The following SUGCT variants were observed in gnomAD, a reference collection of about 807,000 sequenced individuals.
The protein encoded by SUGCT is succinyl-CoA:glutarate CoA-transferase.
In SUGCT, 41 loss-of-function variants were observed where a neutral mutation model predicts 55.0. The observed-to-expected ratio is 0.74, with a 90% CI of 0.58 to 0.97. The LOEUF is 0.97. SUGCT is among the 50% of genes least tolerant of loss of function. The pLI, the probability that SUGCT is intolerant of heterozygous loss-of-function variation, is 0.00. For synonymous variants in SUGCT, 187 were observed against 200.4 expected, an observed-to-expected ratio of 0.93 and a Z score of 0.56; for missense variants, 568 against 547.8, an observed-to-expected ratio of 1.04 and a Z score of -0.37.
At chr7:40,542,007 C>G (rs1437967025) in intron 12 of SUGCT, among the ~76,000 whole-genome samples, 1 of 152,082 alleles carries the variant, frequency 6.6e-6, no homozygotes, top group Non-Finnish European at 1.5e-5. Context: ...GAAAGCCTTC[C>G]ACCAGGGAGG....
In SUGCT at chr7:40,302,748, G is replaced by A. The variant is rs1794610954; in HGVS notation, c.721-14012G>A. ...ACGAATTCATTATTAACTGATTACAGACATAATTATGAGAGTGACGTTGCA... is the reference window on the plus strand; with the variant it reads ...ACGAATTCATTATTAACTGATTACAAACATAATTATGAGAGTGACGTTGCA... On this transcript the variant is annotated intron_variant, in intron 8 of 13. Coordinates refer to ENST00000335693, the MANE Select transcript of SUGCT (RefSeq NM_001193313.2). 2.6e-5 allele frequency among the ~76,000 whole-genome samples: 4 copies of A among 152,108 alleles called. No individual in the cohort carries two copies. In the South Asian group the frequency reaches 8.3e-4, roughly 32 times the overall value.
intron 1 of SUGCT, among the ~76,000 whole-genome samples, chr7:40,155,741 G>C (rs1407169069): frequency 6.6e-6 from 1 of 152,134 alleles, no homozygotes; most frequent in Non-Finnish European, 1.5e-5. Flanking sequence ...TGTGTGTTTA[G>C]AAGTTCTGCT....
chr7:40,246,746 G>A (rs1425099324), intron 7 of SUGCT, among the ~76,000 whole-genome samples: 2 of 151,832 alleles, frequency 1.3e-5, no homozygotes, highest in African/African-American at 4.8e-5. Context: ...GCAGGCACAC[G>A]CCACCATGCC....
chr7:40,619,311 T>C (rs1799155576), intron 12 of SUGCT, among the ~76,000 whole-genome samples: 1 of 152,260 alleles, frequency 6.6e-6, no homozygotes, highest in South Asian at 2.1e-4. Flanking sequence ...TTAATGTTTG[T>C]ATTATTGTCT....
the SUGCT span, among the ~76,000 whole-genome samples, chr7:41,033,826 C>G: frequency 6.6e-6 from 1 of 151,944 alleles, no homozygotes; most frequent in Non-Finnish European, 1.5e-5. Context: ...ATGTGCTGAG[C>G]TGGCCCCGTG....
In SUGCT at chr7:40,743,553, G is replaced by A. The variant is rs139108153; in HGVS notation, c.1090-5881G>A. 6.0e-4 allele frequency among the ~76,000 whole-genome samples: 91 copies of A among 152,334 alleles called. 1 individual carries two copies. The East Asian group carries it at 0.014, about 24-fold the overall frequency. On this transcript the variant is annotated intron_variant, in intron 12 of 13. Coordinates refer to ENST00000335693, the MANE Select transcript of SUGCT (RefSeq NM_001193313.2). ...ATTGGAAAGTTTCCCTTAAAAGGCA[G>A]TAAGCTTCTTGAGGGCATGACCTTG...
intron 7 of SUGCT, among the ~76,000 whole-genome samples, chr7:40,257,243 A>G (rs1790872578): frequency 6.6e-6 from 1 of 152,134 alleles, no homozygotes; most frequent in African/African-American, 2.4e-5. Context: ...TTTTTAAGAT[A>G]GAATACATTA....
At chr7:40,772,196 A>G (rs1789140516) in intron 13 of SUGCT, among the ~76,000 whole-genome samples, 1 of 152,072 alleles carries the variant, frequency 6.6e-6, no homozygotes, top group Non-Finnish European at 1.5e-5. Context: ...GGAGTAGGGG[A>G]GAGAGTAACA....
chr7:40,203,222 A>C (rs934910486), intron 6 of SUGCT, among the ~76,000 whole-genome samples: 1 of 152,186 alleles, frequency 6.6e-6, no homozygotes, highest in African/African-American at 2.4e-5. Flanking sequence ...ACCTTTTCTC[A>C]CATATCCTCA....
intron 12 of SUGCT, among the ~76,000 whole-genome samples, chr7:40,517,271 A>G (rs1040311802): frequency 2.0e-5 from 3 of 150,452 alleles, no homozygotes; most frequent in African/African-American, 7.3e-5. Context: ...TTTTAAATGT[A>G]AGCTCATGTT....
intron 12 of SUGCT, among the ~76,000 whole-genome samples, chr7:40,591,782 T>C (rs1281161631): frequency 6.6e-6 from 1 of 152,226 alleles, no homozygotes; most frequent in African/African-American, 2.4e-5. Context: ...ATGGAACAGA[T>C]GATTGTTAGC....
rs868228727 is a variant in SUGCT, at chr7:40,305,923, C to G, written c.721-10837C>G. The stretch of plus-strand genomic sequence containing the variant: ...CAAGCAGTCCTCCTGTCTTGGCCTC[C>G]CAAAGTGATGGGATTATAGGCATGA... On this transcript the variant is annotated intron_variant, in intron 8 of 13. Coordinates refer to ENST00000335693, the MANE Select transcript of SUGCT (RefSeq NM_001193313.2). Among the ~76,000 whole-genome samples, 9 of 152,160 alleles carry G rather than the reference C, an allele frequency of 5.9e-5. No homozygotes were observed. In the South Asian group the frequency reaches 8.3e-4, roughly 14 times the overall value.
the SUGCT span, among the ~76,000 whole-genome samples, chr7:40,994,813 T>C: frequency 5.3e-5 from 8 of 152,208 alleles, no homozygotes; most frequent in African/African-American, 1.9e-4. Flanking sequence ...TTCCTCTGAG[T>C]TCACGCCAGA....
intron 9 of SUGCT, among the ~76,000 whole-genome samples, chr7:40,405,877 A>G (rs1366838360): frequency 1.3e-5 from 2 of 151,974 alleles, no homozygotes; most frequent in African/African-American, 4.8e-5. Flanking sequence ...AAATCCTATA[A>G]TGCAGATTTT....
At chr7:41,034,876 C>G in the SUGCT span, among the ~76,000 whole-genome samples, 1 of 152,168 alleles carries the variant, frequency 6.6e-6, no homozygotes, top group Non-Finnish European at 1.5e-5. Flanking sequence ...CTTAATAAGG[C>G]CCCCAGCCTC....
At chr7:40,148,497 A>C (rs942386603) in intron 1 of SUGCT, among the ~76,000 whole-genome samples, 15 of 152,060 alleles carry the variant, frequency 9.9e-5, no homozygotes, top group Non-Finnish European at 1.8e-4. Flanking sequence ...ATACAAAAAT[A>C]GCCGGGTTTG....
At chr7:40,402,840 A>T (rs1164367943) in intron 9 of SUGCT, among the ~76,000 whole-genome samples, 1 of 151,954 alleles carries the variant, frequency 6.6e-6, no homozygotes, top group Non-Finnish European at 1.5e-5. Context: ...AAGTTTCTGG[A>T]CTCTCCAGAG....
At chr7:40,330,391 G>T (rs976319532) in intron 9 of SUGCT, among the ~76,000 whole-genome samples, 6 of 152,136 alleles carry the variant, frequency 3.9e-5, no homozygotes, top group African/African-American at 1.4e-4. Context: ...GATGTATGAG[G>T]TTCCTAGGAA....
At chr7:40,655,761 A>G (rs1562928728) in intron 12 of SUGCT, among the ~76,000 whole-genome samples, 1 of 152,210 alleles carries the variant, frequency 6.6e-6, no homozygotes, top group Non-Finnish European at 1.5e-5. Flanking sequence ...ATGCCAGGAG[A>G]TACATTTCAA....
Sources: allele counts gnomAD v4.1 joint callset (sites outside exome capture counted in the v4.1 genomes callset), GRCh38; gene constraint gnomAD v4.1.1; transcripts MANE v1.5; gene names NCBI Gene and HGNC (gene_info 2026-07-23, HGNC 2026-07-21).